The following PRPF8 variants were observed in gnomAD, a reference collection of about 807,000 sequenced individuals.
PRPF8 encodes pre-mRNA-processing-splicing factor 8.
A neutral mutation model predicts 285.9 loss-of-function variants in PRPF8; 64 were observed. The observed-to-expected ratio is 0.22, with a 90% CI of 0.18 to 0.28. The LOEUF (loss-of-function observed/expected upper bound fraction) is 0.28. PRPF8 is among the 10% of genes least tolerant of loss of function. The probability of loss-of-function intolerance (pLI) is 1.00; values close to 1 mark genes in which losing one functional copy is unlikely to be tolerated. For missense variants in PRPF8, 1,426 were observed against 3,026.7 expected (o/e 0.47, Z 12.41); for synonymous variants, 1,325 against 1,118.2 (o/e 1.18, Z -3.69).
At position 1,677,658 on chromosome 17, in the gene PRPF8, C is replaced by T. The variant is rs952653214; in HGVS notation, c.1891G>A (p.Ala631Thr). 6.2e-7 allele frequency: 1 copy of T among 1,613,886 alleles called. No individual in the cohort carries two copies. The highest frequency in any genetic ancestry group is 8.5e-7 in the Non-Finnish European group (1 of 1,179,984). Residue 631 changes from alanine to threonine, a missense_variant, in exon 14 of 43, where the codon GCT (alanine) becomes ACT (threonine). Coordinates refer to ENST00000304992, the MANE Select transcript of PRPF8 (RefSeq NM_006445.4). Reference sequence around the variant, plus strand: ...AAGAGCCAGACTCGCCAACCGGCAGCCCAGAAGCCACAGCCAGGACCCTTC... The same window carrying T: ...AAGAGCCAGACTCGCCAACCGGCAGTCCAGAAGCCACAGCCAGGACCCTTC... ...VGKGPGCGFW[A>T]AGWRVWLFFM...
intron 24 of PRPF8, 101 bp downstream of exon 24, chr17:1,672,980 G>T: frequency 9.2e-7 from 1 of 1,089,716 alleles, no homozygotes; most frequent in Non-Finnish European, 1.4e-6. Flanking sequence ...ACTAAGCAAA[G>T]AAGAGAAGGA....
intron 24 of PRPF8, among the ~76,000 whole-genome samples, chr17:1,664,251 T>G (rs1301643306): frequency 6.6e-6 from 1 of 152,190 alleles, no homozygotes; most frequent in East Asian, 1.9e-4. Context: ...CAGGCTGGTC[T>G]CGAACTCCTG....
At chr17:1,665,263 G>A (rs1911902095) in intron 24 of PRPF8, among the ~76,000 whole-genome samples, 1 of 152,052 alleles carries the variant, frequency 6.6e-6, no homozygotes, top group Non-Finnish European at 1.5e-5. Flanking sequence ...AGGTTGGCCA[G>A]GCACGGTGGC....
Position 1,659,610 on chromosome 17 carries a change from C to A in PRPF8, c.4947-62G>T. 1.9e-6 allele frequency: 3 copies of A among 1,592,786 alleles called. No individual in the cohort carries two copies. Among genetic ancestry groups the A allele is most frequent in the Non-Finnish European group, 1.7e-6 (2 of 1,162,446 alleles). ...TGGGCATAACCAATGTCCCCAGAAC[C>A]AGAACCACTTAAATCCCAAAACCAT... On this transcript the variant is annotated intron_variant, in intron 31 of 42. Transcript: ENST00000304992. This position sits in a 1 kb window ranked among gnomAD's most constrained non-coding sequence, Gnocchi z 5.1.
chr17:1,679,739 A>C lies in PRPF8; in HGVS notation c.1159T>G (p.Phe387Val). Residue 387 changes from phenylalanine (F) to valine (V), a missense_variant, in exon 9 of 43, where the codon TTC becomes GTC. Phe to Val is a conservative substitution (Grantham distance 50). Coordinates refer to ENST00000304992, the MANE Select transcript of PRPF8 (RefSeq NM_006445.4). The surrounding 1 kb of genome is among the most constrained non-coding windows in gnomAD (Gnocchi z 4.7). ...EFELPEFVEP[F>V]LKDTPLYTDN... Reference sequence around the variant, plus strand: ...GTATAGAGGGGTGTGTCCTTCAGGAAGGGCTCCACAAACTCCGGGAGCTCA... The same window carrying C: ...GTATAGAGGGGTGTGTCCTTCAGGACGGGCTCCACAAACTCCGGGAGCTCA... The C allele has an allele frequency of 6.2e-7, 1 of 1,614,188 alleles. No homozygotes were observed. Among genetic ancestry groups the C allele is most frequent in the Non-Finnish European group, 8.5e-7 (1 of 1,180,040 alleles).
intron 14 of PRPF8, 99 bp from the exon 15 acceptor site, chr17:1,677,271 A>C: frequency 7.9e-7 from 1 of 1,261,730 alleles, no homozygotes; most frequent in Non-Finnish European, 1.1e-6. Flanking sequence ...TTATTAATAA[A>C]ATTAGGTATT....
At chr17:1,668,669 G>A (rs935741756) in intron 24 of PRPF8, among the ~76,000 whole-genome samples, 3 of 151,688 alleles carry the variant, frequency 2.0e-5, no homozygotes, top group African/African-American at 4.8e-5. Context: ...GCTGGGTCCC[G>A]CACTCTTGAT....
At chr17:1,654,077 A>G (rs574653118) in intron 37 of PRPF8, 61 bp from the exon 38 acceptor site, 1 of 1,613,016 alleles carries the variant, frequency 6.2e-7, no homozygotes, top group East Asian at 2.2e-5. Flanking sequence ...TTCTGCCTCA[A>G]TGGAAAGGGT....
rs775243030 is a variant in PRPF8 at position 1,683,705 on chromosome 17, G to C, written c.101-4C>G. 2 of 1,613,798 alleles carry C rather than the reference G, an allele frequency of 1.2e-6. No individual in the cohort carries two copies. The highest frequency in any genetic ancestry group is 1.7e-5 in the Admixed American group (1 of 59,990). On this transcript the variant is annotated splice_region_variant and splice_polypyrimidine_tract_variant and intron_variant, in intron 2 of 42. Transcript: ENST00000304992. ...TGCAATTGCTGCCATTTTCGAGCTG[G>C]AAAGGCACCTCAGTTTAAAGGCCTG...
intron 24 of PRPF8, among the ~76,000 whole-genome samples, chr17:1,668,332 T>C (rs1167075160): frequency 6.6e-6 from 1 of 151,532 alleles, no homozygotes; most frequent in Admixed American, 6.6e-5. Flanking sequence ...CCTCTTCCAG[T>C]ATCTCAATGG....
chr17:1,666,016 T>A (rs1911959216), intron 24 of PRPF8, among the ~76,000 whole-genome samples: 2 of 146,974 alleles, frequency 1.4e-5, no homozygotes, highest in East Asian at 2.1e-4. Flanking sequence ...CAAAAAAAAA[T>A]ATTAGCCGGG....
chr17:1,684,209 C>A (rs1287972236), intron 2 of PRPF8, among the ~76,000 whole-genome samples: 3 of 152,090 alleles, frequency 2.0e-5, no homozygotes, highest in Non-Finnish European at 1.5e-5. Context: ...TACAGAGCTT[C>A]AAGGTTTTGT....
At position 1,651,492 on chromosome 17, in the gene PRPF8, T is replaced by TG; in HGVS notation, c.6571dup (p.Gln2191ProfsTer12). 1.2e-6 allele frequency: 2 copies of TG among 1,614,186 alleles called. No individual in the cohort carries two copies. Among genetic ancestry groups the TG allele is most frequent in the Non-Finnish European group, 1.7e-6 (2 of 1,180,028 alleles). On this transcript the variant is annotated frameshift_variant, in exon 41 of 43. Transcript: ENST00000304992. LOFTEE classifies it high-confidence loss of function. This position sits in a 1 kb window ranked among gnomAD's most constrained non-coding sequence, Gnocchi z 5.1. ...GATCTTGGCATGGGTGGTGACATCCTGGGGTGATAACTGCGGGGACTCATT... is the reference window on the plus strand; with the variant it reads ...GATCTTGGCATGGGTGGTGACATCCTGGGGGTGATAACTGCGGGGACTCATT...
intron 24 of PRPF8, among the ~76,000 whole-genome samples, chr17:1,662,990 CAA>C (rs1339015246): frequency 6.6e-6 from 1 of 151,862 alleles, no homozygotes; most frequent in Non-Finnish European, 1.5e-5. Flanking sequence ...CTGTTCAAAG[CAA>C]AAAGAGTAAC....
At position 1,673,340 on chromosome 17, in the gene PRPF8, C is replaced by T. The variant is rs1173827046; in HGVS notation, c.3657+17G>A. On this transcript the variant is annotated intron_variant, in intron 23 of 42. Transcript: ENST00000304992. This position sits in a 1 kb window ranked among gnomAD's most constrained non-coding sequence, Gnocchi z 5.5. Reference sequence around the variant, plus strand: ...GCAGGCGCGTTCATGTCACTCCCAGCCCCGCCCAGGCTGTACCTCATTCTG... The same window carrying T: ...GCAGGCGCGTTCATGTCACTCCCAGTCCCGCCCAGGCTGTACCTCATTCTG... The T allele has an allele frequency of 3.7e-6, 6 of 1,613,670 alleles. No individual in the cohort carries two copies. Among genetic ancestry groups the T allele is most frequent in the Middle Eastern group, 1.7e-4 (1 of 6,060 alleles).
chr17:1,679,354 T>C lies in PRPF8; in HGVS notation c.1346A>G (p.Lys449Arg). The C allele has an allele frequency of 6.2e-7, 1 of 1,614,030 alleles. No individual in the cohort carries two copies. The highest frequency in any genetic ancestry group is 8.5e-7 in the Non-Finnish European group (1 of 1,180,028). ...QPVKVRVSYQ[K>R]LLKYYVLNAL... ...ATTCAGCACATAGTACTTAAGCAGC[T>C]TCTGGTAGGAGACCCTCACTTTCAC... Residue 449 changes from lysine (K) to arginine (R), a missense_variant, in exon 10 of 43, where the codon AAG becomes AGG. Lys to Arg is a conservative substitution (Grantham distance 26). Around this residue, in one of 34 missense-constraint regions of PRPF8, gnomAD observed 137 missense variants for 161.2 expected, o/e 0.85. Coordinates refer to ENST00000304992, the MANE Select transcript of PRPF8 (RefSeq NM_006445.4). The surrounding 1 kb of genome is among the most constrained non-coding windows in gnomAD (Gnocchi z 4.7).
In PRPF8 at chr17:1,679,469, G is replaced by T; in HGVS notation, c.1290-59C>A. ...TCTTCTTCCAGACACTCTGCTAAAG[G>T]CTGCAAGCCTTGGGTTGTCTACCAT... On this transcript the variant is annotated intron_variant, in intron 9 of 42. Transcript: ENST00000304992. The surrounding 1 kb of genome is among the most constrained non-coding windows in gnomAD (Gnocchi z 4.7). The T allele has an allele frequency of 6.2e-7, 1 of 1,611,350 alleles. No individual in the cohort carries two copies. Among genetic ancestry groups the T allele is most frequent in the Admixed American group, 1.7e-5 (1 of 59,950 alleles).
At chr17:1,680,679 C>G in intron 8 of PRPF8, 47 bp downstream of exon 8, 1 of 1,538,618 alleles carries the variant, frequency 6.5e-7, no homozygotes, top group Non-Finnish European at 9.0e-7. Flanking sequence ...CAACCTCACG[C>G]ATTTCTCCTA....
At position 1,653,320 on chromosome 17, in the gene PRPF8, T is replaced by C; in HGVS notation, c.6369+222A>G. On this transcript the variant is annotated intron_variant, in intron 39 of 42. Coordinates refer to ENST00000304992, the MANE Select transcript of PRPF8 (RefSeq NM_006445.4). The surrounding 1 kb of genome is among the most constrained non-coding windows in gnomAD (Gnocchi z 4.9). ...CTGACCATATCTGTTCTCTTCCAAA[T>C]ACTATCAGGCCAATACTACAATTAC... The C allele has an allele frequency of 1.5e-6, 1 of 646,824 alleles. No individual in the cohort carries two copies. The highest frequency in any genetic ancestry group is 2.4e-5 in the Admixed American group (1 of 42,216). 40.1% of individuals were successfully genotyped at this position (646,824 alleles called of 1,614,324 possible).
Sources: gnomAD v4.1 joint callset for allele counts (sites outside exome capture counted in the v4.1 genomes callset) on GRCh38, gnomAD v4.1.1 for gene constraint, gnomAD v4.1.1 regional missense constraint, Gnocchi (gnomAD v3.1) non-coding constraint, MANE v1.5 for transcripts, NCBI Gene and HGNC (gene_info 2026-07-23, HGNC 2026-07-21) for gene names.